SIL1: variants seen among roughly 807,000 people sequenced by gnomAD.
The protein encoded by SIL1 is nucleotide exchange factor SIL1.
SIL1 carries 40 observed loss-of-function variants against 49.1 expected under a neutral mutation model. That is an observed-to-expected ratio of 0.81 (90% CI 0.63 to 1.06). SIL1 has a LOEUF of 1.06. SIL1 is among the 50% of genes least tolerant of loss of function. The probability of loss-of-function intolerance (pLI) is 0.00; values close to 1 mark genes in which losing one functional copy is unlikely to be tolerated. For synonymous variants in SIL1, 253 were observed against 250.8 expected (o/e 1.01, Z -0.08); for missense variants, 500 against 572.6 (o/e 0.87, Z 1.29).
chr5:139,111,515 T>C (rs1770837172), intron 3 of SIL1, among the ~76,000 whole-genome samples: 1 of 152,158 alleles, frequency 6.6e-6, no homozygotes, highest in Admixed American at 6.5e-5. Context: ...GTCCTCTGCA[T>C]TCTCACTGAG....
At chr5:139,151,048 T>C (rs1376091170) in intron 1 of SIL1, among the ~76,000 whole-genome samples, 2 of 152,160 alleles carry the variant, frequency 1.3e-5, no homozygotes, top group Non-Finnish European at 2.9e-5. Context: ...GTATTGATAA[T>C]ACCTTGAACA....
intron 3 of SIL1, among the ~76,000 whole-genome samples, chr5:139,080,364 C>T (rs1770046565): frequency 6.6e-6 from 1 of 152,210 alleles, no homozygotes; most frequent in Non-Finnish European, 1.5e-5. Context: ...CAAGTCCTGG[C>T]TAGAGCTTTT....
intron 3 of SIL1, among the ~76,000 whole-genome samples, chr5:139,118,310 G>A (rs1423038630): frequency 6.6e-6 from 1 of 152,208 alleles, no homozygotes; most frequent in Non-Finnish European, 1.5e-5. Flanking sequence ...GGCATCCAGT[G>A]ATTCCACAAT....
intron 1 of SIL1, among the ~76,000 whole-genome samples, chr5:139,186,100 C>G (rs1752073074): frequency 6.6e-6 from 1 of 152,188 alleles, no homozygotes; most frequent in Non-Finnish European, 1.5e-5. Context: ...GAAGCAGGAA[C>G]AACTATCAAA....
intron 3 of SIL1, among the ~76,000 whole-genome samples, chr5:139,062,886 C>T (rs545238672): frequency 6.6e-6 from 1 of 152,338 alleles, no homozygotes; most frequent in African/African-American, 2.4e-5. Flanking sequence ...CCACAAAGGG[C>T]CACTGCTGTG....
At chr5:138,973,673 C>A (rs1767333115) in intron 7 of SIL1, among the ~76,000 whole-genome samples, 1 of 152,044 alleles carries the variant, frequency 6.6e-6, no homozygotes, top group Non-Finnish European at 1.5e-5. Context: ...TACCCTCAAA[C>A]TTCTGGGCTC....
chr5:138,968,319 G>A (rs1054615222), intron 7 of SIL1, among the ~76,000 whole-genome samples: 11 of 152,132 alleles, frequency 7.2e-5, no homozygotes, highest in Admixed American at 3.9e-4. Context: ...CAGGCTCAGC[G>A]TTTCCATTCA....
chr5:139,060,800 G>A (rs1442232777), intron 3 of SIL1, among the ~76,000 whole-genome samples: 1 of 152,162 alleles, frequency 6.6e-6, no homozygotes, highest in African/African-American at 2.4e-5. Context: ...GAGAACTAAG[G>A]CTCAGGGCCT....
At chr5:139,194,151 G>T (rs959656791) in intron 1 of SIL1, among the ~76,000 whole-genome samples, 1 of 152,222 alleles carries the variant, frequency 6.6e-6, no homozygotes, top group Non-Finnish European at 1.5e-5. Flanking sequence ...GAACCTGAAG[G>T]AACTACAAGT....
intron 3 of SIL1, among the ~76,000 whole-genome samples, chr5:139,084,979 TG>T (rs1258874595): frequency 1.3e-5 from 2 of 152,156 alleles, no homozygotes; most frequent in Non-Finnish European, 2.9e-5. Context: ...CATACTGTTG[TG>T]CAACATGCTT....
chr5:138,999,102 C>CAAGG, intron 7 of SIL1, among the ~76,000 whole-genome samples: 1 of 152,200 alleles, frequency 6.6e-6, no homozygotes, highest in East Asian at 1.9e-4. Flanking sequence ...GGTGAAATGC[C>CAAGG]CACCTTGGCC....
In SIL1 at chr5:138,959,131, G is replaced by A. The variant is rs540547778; in HGVS notation, c.768-7247C>T. 9.2e-5 allele frequency among the ~76,000 whole-genome samples: 14 copies of A among 151,986 alleles called. No individual in the cohort carries two copies. In the East Asian group the frequency reaches 2.5e-3, roughly 27 times the overall value. ...TTGTACAAGATATTGCTCTTTTCCCGTGCCAGCCATGGAATCAGCCATTTC... is the reference window on the plus strand; with the variant it reads ...TTGTACAAGATATTGCTCTTTTCCCATGCCAGCCATGGAATCAGCCATTTC... On this transcript the variant is annotated intron_variant, in intron 7 of 9. Coordinates refer to ENST00000394817, the MANE Select transcript of SIL1 (RefSeq NM_022464.5).
At chr5:139,004,011 A>C (rs960436938) in intron 7 of SIL1, among the ~76,000 whole-genome samples, 2 of 152,196 alleles carry the variant, frequency 1.3e-5, no homozygotes, top group African/African-American at 4.8e-5. Context: ...ACCACAGTGG[A>C]AACAGCTGTG....
intron 3 of SIL1, among the ~76,000 whole-genome samples, chr5:139,071,706 C>T (rs1044419374): frequency 4.9e-5 from 7 of 142,558 alleles, no homozygotes; most frequent in African/African-American, 1.9e-4. Context: ...CTCACTCTGT[C>T]GCCCAGGCTG....
chr5:138,985,839 G>A (rs539126573), intron 7 of SIL1, among the ~76,000 whole-genome samples: 7 of 152,262 alleles, frequency 4.6e-5, no homozygotes, highest in Admixed American at 1.3e-4. Flanking sequence ...AGCTGTGGGC[G>A]GGAACGTGGA....
intron 1 of SIL1, among the ~76,000 whole-genome samples, chr5:139,179,982 G>A (rs959885066): frequency 6.6e-6 from 1 of 151,090 alleles, no homozygotes; most frequent in Admixed American, 6.6e-5. Flanking sequence ...CTTGACCTCA[G>A]GAAGTCGAGG....
At chr5:138,995,944 G>A (rs1373795364) in intron 7 of SIL1, among the ~76,000 whole-genome samples, 1 of 152,192 alleles carries the variant, frequency 6.6e-6, no homozygotes, top group Non-Finnish European at 1.5e-5. Flanking sequence ...ATCCACTGAT[G>A]GGCATTTTGG....
chr5:139,026,045 G>A (rs552602021), intron 6 of SIL1, among the ~76,000 whole-genome samples: 1 of 152,144 alleles, frequency 6.6e-6, no homozygotes, highest in African/African-American at 2.4e-5. Context: ...ATCCTATAAC[G>A]CTTGGCCTAA....
chr5:139,179,187 C>A (rs1387606102), intron 1 of SIL1, among the ~76,000 whole-genome samples: 6 of 152,156 alleles, frequency 3.9e-5, no homozygotes, highest in African/African-American at 1.4e-4. Flanking sequence ...AACACAAAAG[C>A]CTTTCCCCAG....
Sources: allele counts gnomAD v4.1 joint callset (sites outside exome capture counted in the v4.1 genomes callset), GRCh38; gene constraint gnomAD v4.1.1; transcripts MANE v1.5; gene names NCBI Gene and HGNC (gene_info 2026-07-23, HGNC 2026-07-21).